Variants in NRG1 observed in about 807,000 individuals in gnomAD.
NRG1 encodes pro-neuregulin-1, membrane-bound isoform.
In NRG1, 18 loss-of-function variants were observed where a neutral mutation model predicts 63.8. The ratio of observed to expected loss-of-function variants is 0.28; its 90% CI spans 0.19 to 0.42. The LOEUF is 0.42. NRG1 is among the 10% of genes least tolerant of loss of function. NRG1 has a pLI of 1.00. For synonymous variants in NRG1, 302 were observed against 301.3 expected (o/e 1.00, Z -0.02); for missense variants, 762 against 814.7 (o/e 0.94, Z 0.79).
rs572196037 is a variant in NRG1 at position 32,447,715 on chromosome 8, T to C, written c.38-148113T>C. On this transcript the variant is annotated intron_variant, in intron 1 of 10. Transcript: ENST00000519301. ...GAGACCCCATCTCTACAAAAAATAT[T>C]TTTTAAAATTAGTCGAGCATGGCGG... is the stretch of plus-strand genomic sequence containing the variant. Among the ~76,000 whole-genome samples the C allele has an allele frequency of 7.2e-5, 11 of 152,036 alleles. No individual in the cohort carries two copies. The East Asian group carries it at 9.7e-4, about 13-fold the overall frequency.
intron 5 of NRG1, among the ~76,000 whole-genome samples, chr8:32,624,254 A>G (rs2129542976): frequency 6.6e-6 from 1 of 152,324 alleles, no homozygotes; most frequent in African/African-American, 2.4e-5. Flanking sequence ...ACCCTAAAAT[A>G]CTGCATCCAG....
upstream of NRG1, among the ~76,000 whole-genome samples, chr8:32,545,406 C>T (rs1374400718): frequency 6.6e-6 from 1 of 151,878 alleles, no homozygotes; most frequent in Non-Finnish European, 1.5e-5. Context: ...TGATCTAAGA[C>T]CTGAACAATA....
intron 1 of NRG1, among the ~76,000 whole-genome samples, chr8:32,311,727 A>G (rs1036331232): frequency 6.6e-6 from 1 of 152,178 alleles, no homozygotes. Context: ...TTTTCTTTGC[A>G]TCCCCAGAAC....
chr8:32,465,978 G>C (rs1316219363), intron 1 of NRG1, among the ~76,000 whole-genome samples: 1 of 152,208 alleles, frequency 6.6e-6, no homozygotes, highest in East Asian at 1.9e-4. Flanking sequence ...ACAGTGATGA[G>C]CCTTCAGATA....
At chr8:32,255,094 G>A (rs184732903) in intron 1 of NRG1, among the ~76,000 whole-genome samples, 16 of 152,138 alleles carry the variant, frequency 1.1e-4, no homozygotes, top group Admixed American at 3.3e-4. Context: ...GTCTTTGCAC[G>A]TGAGACGTGT....
At chr8:32,275,523 G>A (rs1443230119) in intron 1 of NRG1, among the ~76,000 whole-genome samples, 3 of 152,144 alleles carry the variant, frequency 2.0e-5, no homozygotes, top group African/African-American at 7.2e-5. Flanking sequence ...TTAAGACGGA[G>A]CTGAAGGAAG....
At chr8:32,392,739 C>T (rs550968818) in intron 1 of NRG1, among the ~76,000 whole-genome samples, 76 of 152,230 alleles carry the variant, frequency 5.0e-4, no homozygotes, top group Admixed American at 2.0e-3. Context: ...TACACAGTTT[C>T]GGGCCTCATG....
At chr8:32,412,425 TATATATATATATATATATATATATATAC>T (rs1815141030) in intron 1 of NRG1, among the ~76,000 whole-genome samples, 4 of 43,058 alleles carry the variant, frequency 9.3e-5, no homozygotes, top group East Asian at 3.8e-4. Context: ...TCTCTCTACA[TATATATATATATATATATATATATATAC>T]ATATATATAT....
At chr8:31,963,447 A>G (rs1237363761) in intron 1 of NRG1, among the ~76,000 whole-genome samples, 4 of 152,228 alleles carry the variant, frequency 2.6e-5, no homozygotes, top group Non-Finnish European at 4.4e-5. Context: ...CAGCCTTAGC[A>G]TACATCAGTG....
chr8:31,708,402 A>G (rs923608124), intron 1 of NRG1, among the ~76,000 whole-genome samples: 2 of 152,102 alleles, frequency 1.3e-5, no homozygotes, highest in African/African-American at 2.4e-5. Flanking sequence ...TCCCCTGAAC[A>G]ACAACTTCCG....
chr8:32,516,891 T>C (rs1159073649), intron 1 of NRG1, among the ~76,000 whole-genome samples: 1 of 152,124 alleles, frequency 6.6e-6, no homozygotes, highest in African/African-American at 2.4e-5. Context: ...GAATAGCAAT[T>C]CATGGTTTTG....
At chr8:32,646,359 C>T (rs1257778357) in intron 5 of NRG1, among the ~76,000 whole-genome samples, 1 of 152,206 alleles carries the variant, frequency 6.6e-6, no homozygotes, top group African/African-American at 2.4e-5. Flanking sequence ...AATGTTCAAA[C>T]TGTTGGTTGA....
At chr8:32,025,916 G>T (rs1362886818) in intron 1 of NRG1, among the ~76,000 whole-genome samples, 2 of 146,526 alleles carry the variant, frequency 1.4e-5, no homozygotes, top group East Asian at 4.2e-4. Context: ...GCTGCATTAC[G>T]GCCTGGCCGA....
At chr8:31,807,107 A>T (rs1380516685) in intron 1 of NRG1, among the ~76,000 whole-genome samples, 1 of 152,244 alleles carries the variant, frequency 6.6e-6, no homozygotes, top group African/African-American at 2.4e-5. Context: ...CTGAGTAGAC[A>T]CTTTAACTTG....
At chr8:32,544,177 T>G (rs1832837539), upstream of NRG1, among the ~76,000 whole-genome samples, 1 of 152,166 alleles carries the variant, frequency 6.6e-6, no homozygotes, top group South Asian at 2.1e-4. Flanking sequence ...TGTTGGAATA[T>G]GCTTGGAATC....
Position 31,850,456 on chromosome 8 carries a change from T to C in NRG1, c.37+211025T>C, listed in dbSNP as rs974691850. On this transcript the variant is annotated intron_variant, in intron 1 of 10. Transcript: ENST00000519301. ...ATGTGACCTGAGGGTCCATGGCAAC[T>C]GAAAAACAAGAGGAACTTTGTTACA... 5.9e-5 allele frequency among the ~76,000 whole-genome samples: 9 copies of C among 152,186 alleles called. No homozygotes were observed. In the South Asian group the frequency reaches 6.2e-4, roughly 10 times the overall value.
intron 1 of NRG1, among the ~76,000 whole-genome samples, chr8:31,676,739 T>C (rs529003781): frequency 6.6e-6 from 1 of 152,340 alleles, no homozygotes; most frequent in South Asian, 2.1e-4. Flanking sequence ...GCTCTGCCAT[T>C]TGGCAGCTAC....
intron 1 of NRG1, among the ~76,000 whole-genome samples, chr8:31,977,257 T>C (rs899202161): frequency 3.9e-5 from 6 of 152,176 alleles, no homozygotes; most frequent in African/African-American, 1.2e-4. Context: ...AACATGTCTA[T>C]TTTGAAACCC....
chr8:32,215,182 A>G (rs74694432), intron 1 of NRG1, among the ~76,000 whole-genome samples: 1 of 152,332 alleles, frequency 6.6e-6, no homozygotes, highest in East Asian at 1.9e-4. Flanking sequence ...ATTAAGAATA[A>G]ATTGTAACAT....
Sources: gnomAD v4.1 joint callset for allele counts (sites outside exome capture counted in the v4.1 genomes callset) on GRCh38, gnomAD v4.1.1 for gene constraint, MANE v1.5 for transcripts, NCBI Gene and HGNC (gene_info 2026-07-23, HGNC 2026-07-21) for gene names.